PRRG4: variants seen among roughly 807,000 people sequenced by gnomAD.
PRRG4 encodes transmembrane gamma-carboxyglutamic acid protein 4.
Under a neutral mutation model 20.0 loss-of-function variants are expected in PRRG4, and 12 were observed. That is an observed-to-expected ratio of 0.60 (90% confidence interval 0.38 to 0.97). The LOEUF (loss-of-function observed/expected upper bound fraction) is 0.97, where lower values mean the gene tolerates loss of function less well. PRRG4 is among the 50% of genes least tolerant of loss of function. The pLI is 0.00. For synonymous variants in PRRG4, 94 were observed against 96.4 expected, an observed-to-expected ratio of 0.98 and a Z score of 0.15; for missense variants, 199 against 265.1, an observed-to-expected ratio of 0.75 and a Z score of 1.73.
chr11:32,830,053 G>C lies in PRRG4; in HGVS notation c.-143G>C. 3.0e-6 allele frequency: 3 copies of C among 987,404 alleles called. No homozygotes were observed. Among genetic ancestry groups the C allele is most frequent in the Non-Finnish European group, 2.4e-6 (2 of 831,344 alleles). 61.2% of individuals were successfully genotyped at this position (987,404 alleles called of 1,614,324 possible). A position where few individuals can be genotyped will look rare whatever the true frequency, so the allele number is the denominator to read the frequency against. On this transcript the variant is annotated 5_prime_UTR_variant, in exon 1 of 6. Coordinates refer to ENST00000257836, the MANE Select transcript of PRRG4 (RefSeq NM_024081.6). ...GGGCCATCCAGACCCTGCGGAGAGCGAGGCCCGGAGCGTCGCCGAGGTTTG... is the reference window on the plus strand; with the variant it reads ...GGGCCATCCAGACCCTGCGGAGAGCCAGGCCCGGAGCGTCGCCGAGGTTTG...
At chr11:32,843,266 T>A (rs2133444860) in intron 5 of PRRG4, among the ~76,000 whole-genome samples, 1 of 152,286 alleles carries the variant, frequency 6.6e-6, no homozygotes, top group East Asian at 1.9e-4. Context: ...TTAAAAAGAT[T>A]TTATCCTGTT....
chr11:32,839,807 G>A, intron 4 of PRRG4, among the ~76,000 whole-genome samples: 1 of 141,804 alleles, frequency 7.1e-6, no homozygotes. Flanking sequence ...AATATAAATA[G>A]TATATTTTAA....
At chr11:32,843,697 T>G (rs1158295745) in intron 5 of PRRG4, among the ~76,000 whole-genome samples, 1 of 150,650 alleles carries the variant, frequency 6.6e-6, no homozygotes, top group Admixed American at 6.7e-5. Flanking sequence ...ATTAAGTTGA[T>G]TCACTGTTGT....
At chr11:32,845,587 C>T (rs979142957) in intron 5 of PRRG4, among the ~76,000 whole-genome samples, 1 of 150,534 alleles carries the variant, frequency 6.6e-6, no homozygotes, top group Middle Eastern at 3.2e-3. Context: ...GATTGTGCCA[C>T]TGCACTCCAG....
rs202127021 is a variant in PRRG4 at position 32,855,392 on chromosome 11, T to G, written c.*1865T>G. The G allele has an allele frequency of 5.7e-3, 13 of 2,300 alleles. No homozygotes were observed. In the East Asian group the frequency reaches 0.36, roughly 63 times the overall value. 0.1% of individuals were successfully genotyped at this position (2,300 alleles called of 1,614,324 possible). Reference sequence around the variant, plus strand: ...TCTGTGCTTTATGTTTTTGCCAGGCTATTACATTTTCTTATCATTTAGGAT... The same window carrying G: ...TCTGTGCTTTATGTTTTTGCCAGGCGATTACATTTTCTTATCATTTAGGAT... On this transcript the variant is annotated 3_prime_UTR_variant, in exon 6 of 6. Coordinates refer to ENST00000257836, the MANE Select transcript of PRRG4 (RefSeq NM_024081.6).
intron 5 of PRRG4, among the ~76,000 whole-genome samples, chr11:32,850,138 A>G (rs946538813): frequency 1.4e-4 from 21 of 152,214 alleles, no homozygotes; most frequent in Non-Finnish European, 5.9e-5. Flanking sequence ...TTTTCAAAAA[A>G]GTTCACGTAT....
chr11:32,843,995 T>C (rs1196783165), intron 5 of PRRG4, among the ~76,000 whole-genome samples: 1 of 152,224 alleles, frequency 6.6e-6, no homozygotes, highest in Non-Finnish European at 1.5e-5. Context: ...GAAGTTTTTT[T>C]AAATTCTAAA....
chr11:32,836,713 T>C lies in PRRG4; in HGVS notation c.159T>C (p.Asn53=), dbSNP rs1851022694. ...TCATACATAGACGCCTTCTGTATAA[T>C]AGATTTGATCTGGAGCTCTTCACTC... ...NFFIHRRLLY[N]RFDLELFTPG... The change falls in exon 3 of 6, where the codon AAT becomes AAC. Residue 53 remains asparagine, a synonymous_variant. Coordinates refer to ENST00000257836, the MANE Select transcript of PRRG4 (RefSeq NM_024081.6). 3 of 1,610,384 alleles carry C rather than the reference T, an allele frequency of 1.9e-6. No individual in the cohort carries two copies. The highest frequency in any genetic ancestry group is 1.3e-5 in the African/African-American group (1 of 74,838).
At chr11:32,831,813 G>C (rs1284449979) in intron 2 of PRRG4, among the ~76,000 whole-genome samples, 1 of 152,052 alleles carries the variant, frequency 6.6e-6, no homozygotes, top group Admixed American at 6.5e-5. Context: ...CTGCGGTCAG[G>C]AGTTCGAGAC....
chr11:32,853,217 T>C, intron 5 of PRRG4, 79 bp from the exon 6 acceptor site: 1 of 913,346 alleles, frequency 1.1e-6, no homozygotes, highest in South Asian at 1.5e-5. Flanking sequence ...ATTAAGATAG[T>C]TGGTTGGATT....
chr11:32,837,532 GATGATGATGATTATTATT>G (rs1220353225), intron 3 of PRRG4, among the ~76,000 whole-genome samples: 4,720 of 111,054 alleles, frequency 0.043, 100 homozygotes, highest in South Asian at 0.081. Context: ...TGATGATGAT[GATGATGATGATTATTATT>G]ATTATTATTA....
intron 5 of PRRG4, among the ~76,000 whole-genome samples, chr11:32,851,712 G>A (rs972196329): frequency 1.3e-5 from 2 of 152,172 alleles, no homozygotes; most frequent in Admixed American, 6.5e-5. Flanking sequence ...TTGATGGGAA[G>A]AATATTGTAA....
rs762754429 is a variant in PRRG4, at chr11:32,853,310, A to G, written c.464A>G (p.Tyr155Cys). The change falls in exon 6 of 6, where the codon TAT becomes TGT. Residue 155 changes from tyrosine (Y) to cysteine (C), a missense_variant. Physicochemically the swap from Tyr to Cys is radical, Grantham distance 194. Coordinates refer to ENST00000257836, the MANE Select transcript of PRRG4 (RefSeq NM_024081.6). ...TCTCTGCTTAGCTCTTCAGCCGTCT[A>G]TGAAAGGGGGAGGCACACTCCCTCC... ...RLQHPCSSAV[Y>C]ERGRHTPSII... The G allele has an allele frequency of 8.7e-6, 14 of 1,613,726 alleles. No individual in the cohort carries two copies. In the East Asian group the frequency reaches 1.8e-4, roughly 21 times the overall value.
In PRRG4 at chr11:32,853,478, C is replaced by T. The variant is rs1851202471; in HGVS notation, c.632C>T (p.Thr211Ile). The change falls in exon 6 of 6, where the codon ACA (threonine) becomes ATA (isoleucine). Residue 211 changes from threonine (T) to isoleucine (I), a missense_variant. By Grantham distance (89) the Thr-to-Ile change is moderately conservative. Transcript: ENST00000257836. Reference protein sequence around the residue: ...VSPPPPYPGHTKGFRVFKKSM... With the variant: ...VSPPPPYPGHIKGFRVFKKSM... Reference sequence around the variant, plus strand: ...CCACCACCACCATATCCTGGGCACACAAAAGGATTTAGGGTATTTAAAAAA... The same window carrying T: ...CCACCACCACCATATCCTGGGCACATAAAAGGATTTAGGGTATTTAAAAAA... 6.2e-7 allele frequency: 1 copy of T among 1,614,132 alleles called. No individual in the cohort carries two copies.
In PRRG4 at chr11:32,853,656, G is replaced by A. The variant is rs1413323434; in HGVS notation, c.*129G>A. On this transcript the variant is annotated 3_prime_UTR_variant, in exon 6 of 6. Transcript: ENST00000257836. ...CAGCCTGGCCAACATGGTGAAACCCGGTCTCTACTAAAAATTCAAAAATTA... is the reference window on the plus strand; with the variant it reads ...CAGCCTGGCCAACATGGTGAAACCCAGTCTCTACTAAAAATTCAAAAATTA... 13 of 684,890 alleles carry A rather than the reference G, an allele frequency of 1.9e-5. No homozygotes were observed. Among genetic ancestry groups the A allele is most frequent in the South Asian group, 3.7e-5 (2 of 54,424 alleles). 42.4% of individuals were successfully genotyped at this position (684,890 alleles called of 1,614,324 possible). A position where few individuals can be genotyped will look rare whatever the true frequency, so the allele number is the denominator to read the frequency against.
intron 5 of PRRG4, among the ~76,000 whole-genome samples, chr11:32,847,297 G>A (rs575289320): frequency 4.0e-5 from 6 of 151,520 alleles, no homozygotes; most frequent in South Asian, 4.2e-4. Context: ...AATAACCCAC[G>A]TTTTTTTTAG....
chr11:32,840,388 T>C lies in PRRG4; in HGVS notation c.449+149T>C. 4 of 567,894 alleles carry C rather than the reference T, an allele frequency of 7.0e-6. No homozygotes were observed. In the Admixed American group the frequency reaches 9.2e-5, roughly 13 times the overall value. 35.2% of individuals were successfully genotyped at this position (567,894 alleles called of 1,614,324 possible). ...TGTATAGGGAAGTTGCAAAGGTTAATACAGAGAGTTCCCACATATCCATCA... is the reference window on the plus strand; with the variant it reads ...TGTATAGGGAAGTTGCAAAGGTTAACACAGAGAGTTCCCACATATCCATCA... On this transcript the variant is annotated intron_variant, in intron 5 of 5. Coordinates refer to ENST00000257836, the MANE Select transcript of PRRG4 (RefSeq NM_024081.6). This position sits in a 1 kb window ranked among gnomAD's most constrained non-coding sequence, Gnocchi z 4.1.
At chr11:32,843,836 G>A (rs1228454878) in intron 5 of PRRG4, among the ~76,000 whole-genome samples, 1 of 150,368 alleles carries the variant, frequency 6.7e-6, no homozygotes, top group Non-Finnish European at 1.5e-5. Flanking sequence ...TTTACCTTTT[G>A]TCTCTGAATT....
At position 32,855,617 on chromosome 11, in the gene PRRG4, C is replaced by T. The variant is rs1851222978; in HGVS notation, c.*2090C>T. 6.6e-6 allele frequency: 1 copy of T among 152,170 alleles called. No individual in the cohort carries two copies. Among genetic ancestry groups the T allele is most frequent in the African/African-American group, 2.4e-5 (1 of 41,448 alleles). The allele number at this position is 152,170 out of a possible 1,614,324, so 9.4% of individuals were successfully genotyped here. On this transcript the variant is annotated 3_prime_UTR_variant, in exon 6 of 6. Coordinates refer to ENST00000257836, the MANE Select transcript of PRRG4 (RefSeq NM_024081.6). ...AAAGTAAGTCCTTAATCATTACAGA[C>T]TGCCAAAGACTTTATCCTTTTAGAT...
Sources: allele counts gnomAD v4.1 joint callset (sites outside exome capture counted in the v4.1 genomes callset), GRCh38; gene constraint gnomAD v4.1.1; non-coding constraint Gnocchi (gnomAD v3.1); transcripts MANE v1.5; gene names NCBI Gene and HGNC (gene_info 2026-07-23, HGNC 2026-07-21).